ZBED6: variants seen among roughly 807,000 people sequenced by gnomAD.
ZBED6 encodes the protein zinc finger BED-type containing 6, also known as zinc finger BED domain-containing protein 6.
A neutral mutation model predicts 58.4 loss-of-function variants in ZBED6; 40 were observed. The ratio of observed to expected loss-of-function variants is 0.68; its 90% CI spans 0.53 to 0.89. The LOEUF (loss-of-function observed/expected upper bound fraction) is 0.89, where lower values mean the gene tolerates loss of function less well. Ranked by LOEUF, ZBED6 falls within the 40% of genes least tolerant of loss-of-function variation. ZBED6 has a pLI of 0.00. For synonymous variants in ZBED6, 439 were observed against 350.6 expected, an observed-to-expected ratio of 1.25 and a Z score of -2.82; for missense variants, 1,057 against 1,003.9, an observed-to-expected ratio of 1.05 and a Z score of -0.71.
At chr1:203,844,156 T>A (rs1172368340) in intron 11 of ZBED6, among the ~76,000 whole-genome samples, 6 of 145,366 alleles carry the variant, frequency 4.1e-5, no homozygotes, top group Non-Finnish European at 9.1e-5. Context: ...TGTGCCCGCC[T>A]TTATTTTTTA....
chr1:203,826,258 C>G (rs141925037), intron 3 of ZBED6, among the ~76,000 whole-genome samples: 5 of 151,882 alleles, frequency 3.3e-5, no homozygotes, highest in African/African-American at 1.2e-4. Context: ...TTTTACTGCT[C>G]CTTGTGGAGC....
rs1441595586 is a variant in ZBED6 at position 203,796,490 on chromosome 1, A to G, written c.-1033A>G. 20 of 398,844 alleles carry G rather than the reference A, an allele frequency of 5.0e-5. No individual in the cohort carries two copies. The East Asian group carries it at 7.1e-4, about 14-fold the overall frequency. The allele number at this position is 398,844 out of a possible 1,614,324, so 24.7% of individuals were successfully genotyped here. A position where few individuals can be genotyped will look rare whatever the true frequency, so the allele number is the denominator to read the frequency against. ...TAATGAAGAACACCCCTAAACTCCC[A>G]TAATCGGTGCGGATTCCTATGGGGA... On this transcript the variant is annotated 5_prime_UTR_variant, in exon 1 of 17. Transcript: ENST00000550078.
intron 2 of ZBED6, among the ~76,000 whole-genome samples, chr1:203,818,246 A>G (rs1677032565): frequency 6.7e-6 from 1 of 150,096 alleles, no homozygotes; most frequent in East Asian, 1.9e-4. Context: ...CTAGAGTTAC[A>G]CAAGGCGAGA....
In ZBED6 at chr1:203,824,059, A is replaced by G. The variant is rs545565020; in HGVS notation, c.*2874-4240A>G. ...TGAGGCGGCTGGATCACCTGAGGTCAGGAGTTTGAGACCAGCTGGCCAACA... is the reference window on the plus strand; with the variant it reads ...TGAGGCGGCTGGATCACCTGAGGTCGGGAGTTTGAGACCAGCTGGCCAACA... On this transcript the variant is annotated intron_variant, in intron 3 of 16. Coordinates refer to ENST00000550078, the Ensembl canonical transcript of ZBED6. 7.9e-5 allele frequency among the ~76,000 whole-genome samples: 12 copies of G among 152,142 alleles called. No homozygotes were observed. The South Asian group carries it at 2.5e-3, about 32-fold the overall frequency.
intron 11 of ZBED6, among the ~76,000 whole-genome samples, chr1:203,842,935 T>TTA (rs1553269728): frequency 6.6e-6 from 1 of 151,552 alleles, no homozygotes; most frequent in Non-Finnish European, 1.5e-5. Context: ...TTTTTTTTTT[T>TTA]AATACCTTGC....
At chr1:203,816,883 G>T (rs1676562694) in intron 1 of ZBED6, 43 bp from the exon 2 acceptor site, 5 of 505,468 alleles carry the variant, frequency 9.9e-6, no homozygotes, top group East Asian at 3.3e-5. Context: ...GAAGGAGGAA[G>T]AATTTACCTG....
intron 1 of ZBED6, among the ~76,000 whole-genome samples, chr1:203,803,530 T>C (rs147990835): frequency 6.6e-6 from 1 of 152,282 alleles, no homozygotes; most frequent in African/African-American, 2.4e-5. Context: ...ATATGTACAT[T>C]GTAAAAAAGG....
chr1:203,852,167 C>T, exon 17 of ZBED6: 1 of 1,613,726 alleles, frequency 6.2e-7, no homozygotes, highest in Non-Finnish European at 8.5e-7. Context: ...ACCCAGTCCT[C>T]TTCAGATTCC....
chr1:203,829,645 G>A, exon 5 of ZBED6: 3 of 1,614,206 alleles, frequency 1.9e-6, no homozygotes, highest in Non-Finnish European at 2.5e-6. Flanking sequence ...TGATGATGAA[G>A]ATGATGATGG....
At chr1:203,852,102 T>G in intron 16 of ZBED6, 39 bp from the exon 17 acceptor site, 3 of 1,611,288 alleles carry the variant, frequency 1.9e-6, no homozygotes, top group Non-Finnish European at 1.7e-6. Flanking sequence ...CAACTATTTT[T>G]AAAACGGCAG....
At chr1:203,805,767 T>C in intron 1 of ZBED6, 2 of 684,454 alleles carry the variant, frequency 2.9e-6, no homozygotes, top group African/African-American at 1.8e-5. Context: ...CATCACCCAG[T>C]GTATCCAACT....
exon 15 of ZBED6, chr1:203,850,576 C>T: frequency 6.2e-7 from 1 of 1,613,946 alleles, no homozygotes; most frequent in South Asian, 1.1e-5. Flanking sequence ...CCAAATTGGC[C>T]CCAAAACGTA....
intron 3 of ZBED6, among the ~76,000 whole-genome samples, chr1:203,820,466 T>TTGTG (rs144962991): frequency 2.9e-5 from 4 of 136,470 alleles, no homozygotes; most frequent in South Asian, 4.5e-4. Flanking sequence ...ATATCACAAA[T>TTGTG]TATGTGTGTG....
chr1:203,798,938 A>G, exon 1 of ZBED6: 2 of 1,536,108 alleles, frequency 1.3e-6, no homozygotes, highest in Non-Finnish European at 1.7e-6. Flanking sequence ...TCTTAACTTT[A>G]GAGAATGTTC....
At chr1:203,831,585 C>G (rs1682396164) in intron 7 of ZBED6, 76 bp from the exon 8 acceptor site, 1 of 1,374,138 alleles carries the variant, frequency 7.3e-7, no homozygotes. Context: ...TAACTGGTTA[C>G]AAAAACAAAT....
chr1:203,829,821 C>T (rs148052821), exon 6 of ZBED6: 6 of 1,613,972 alleles, frequency 3.7e-6, no homozygotes, highest in Non-Finnish European at 5.1e-6. Flanking sequence ...AACACCTACC[C>T]TGCAACCAAC....
intron 14 of ZBED6, 199 bp from the exon 15 acceptor site, chr1:203,850,316 G>C (rs1341694986): frequency 1.4e-6 from 1 of 736,188 alleles, no homozygotes. Flanking sequence ...AATTTAAGTG[G>C]TATTGTATCT....
At chr1:203,800,607 A>G (rs1252311318) in exon 1 of ZBED6, 1 of 669,500 alleles carries the variant, frequency 1.5e-6, no homozygotes, top group African/African-American at 1.9e-5. Context: ...CTCAGAGGCA[A>G]TATAATTTTG....
At position 203,850,027 on chromosome 1, in the gene ZBED6, G is replaced by C; in HGVS notation, c.*4638+1G>C. ...CAGACCTTGGAAAAAAGGGGTAAAG[G>C]CAAGTATTTCTATACTGTGTATTGC... is the stretch of plus-strand genomic sequence containing the variant. On this transcript the variant is annotated splice_donor_variant, in intron 14 of 16. Coordinates refer to ENST00000550078, the Ensembl canonical transcript of ZBED6. LOFTEE classifies it low-confidence loss of function (3UTR_SPLICE). 6.2e-7 allele frequency: 1 copy of C among 1,613,652 alleles called. No homozygotes were observed. The highest frequency in any genetic ancestry group is 1.3e-5 in the African/African-American group (1 of 74,892).
Sources: allele counts gnomAD v4.1 joint callset (sites outside exome capture counted in the v4.1 genomes callset), GRCh38; gene constraint gnomAD v4.1.1; transcripts MANE v1.5; gene names NCBI Gene and HGNC (gene_info 2026-07-23, HGNC 2026-07-21).